Variants in AGPAT3 observed in about 807,000 individuals in gnomAD.
AGPAT3 encodes the protein 1-acylglycerol-3-phosphate O-acyltransferase 3.
Under a neutral mutation model 47.3 loss-of-function variants are expected in AGPAT3, and 5 were observed. The ratio of observed to expected loss-of-function variants is 0.11; its 90% CI spans 0.06 to 0.22. AGPAT3 has a LOEUF of 0.22. Among genes scored for constraint, AGPAT3 ranks in the 10% least tolerant of loss-of-function variants. The pLI is 1.00. For synonymous variants in AGPAT3, 212 were observed against 208.3 expected, an observed-to-expected ratio of 1.02 and a Z score of -0.15; for missense variants, 315 against 493.0, an observed-to-expected ratio of 0.64 and a Z score of 3.42.
chr21:43,976,000 A>T (rs1439168274), intron 7 of AGPAT3, among the ~76,000 whole-genome samples: 4 of 133,934 alleles, frequency 3.0e-5, no homozygotes, highest in East Asian at 2.1e-4. Context: ...TTTTTTTTTT[A>T]AGAGAAAACC....
intron 1 of AGPAT3, among the ~76,000 whole-genome samples, chr21:43,888,712 C>T (rs1244299320): frequency 8.5e-5 from 13 of 152,252 alleles, no homozygotes; most frequent in Admixed American, 5.2e-4. Context: ...GAACATGGGC[C>T]GGGCGAGGTG....
chr21:43,959,041 T>C (rs2088661172), intron 2 of AGPAT3, among the ~76,000 whole-genome samples: 1 of 91,958 alleles, frequency 1.1e-5, no homozygotes, highest in Admixed American at 1.2e-4. Context: ...GTGTGGCATG[T>C]GTGTGGTTTG....
intron 2 of AGPAT3, among the ~76,000 whole-genome samples, chr21:43,921,069 G>A (rs924333761): frequency 2.0e-5 from 3 of 152,080 alleles, no homozygotes; most frequent in African/African-American, 4.8e-5. Flanking sequence ...GCCGAGATCG[G>A]GCCACTGCAT....
chr21:43,968,192 G>T, intron 4 of AGPAT3, 77 bp downstream of exon 4: 1 of 1,518,218 alleles, frequency 6.6e-7, no homozygotes. Flanking sequence ...GGGACCCAGG[G>T]AGGGCCGGGG....
intron 2 of AGPAT3, among the ~76,000 whole-genome samples, chr21:43,905,781 C>T (rs916706640): frequency 6.6e-6 from 1 of 152,250 alleles, no homozygotes; most frequent in African/African-American, 2.4e-5. Context: ...CGCTCTTCTG[C>T]CTGTCCTTTG....
chr21:43,920,268 G>A lies in AGPAT3; in HGVS notation c.-49+16249G>A, dbSNP rs115904780. ...GTGTGTGTAAGGGTGTGTGTAAAGCGTGAATGTGTCAGTGTGAGAGTGTGT... is the reference window on the plus strand; with the variant it reads ...GTGTGTGTAAGGGTGTGTGTAAAGCATGAATGTGTCAGTGTGAGAGTGTGT... On this transcript the variant is annotated intron_variant, in intron 2 of 9. Transcript: ENST00000291572. The surrounding 1 kb of genome is among the most constrained non-coding windows in gnomAD (Gnocchi z 6.1). Among the ~76,000 whole-genome samples the A allele has an allele frequency of 9.7e-3, 1,469 of 152,088 alleles. 31 individuals are homozygous for A. Among genetic ancestry groups the A allele is most frequent in the African/African-American group, 0.033 (1,383 of 41,472 alleles).
Position 43,934,296 on chromosome 21 carries a change from C to A in AGPAT3, c.-48-25338C>A, listed in dbSNP as rs1464065906. On this transcript the variant is annotated intron_variant, in intron 2 of 9. Transcript: ENST00000291572. This position sits in a 1 kb window ranked among gnomAD's most constrained non-coding sequence, Gnocchi z 4.7. ...TCTCACCGCGGTGTGCCTGTCCCCA[C>A]CTCCCAAGGGCGGAAGGAGGGGCCT... Among the ~76,000 whole-genome samples the A allele has an allele frequency of 2.0e-5, 3 of 152,262 alleles. No homozygotes were observed. Among genetic ancestry groups the A allele is most frequent in the Non-Finnish European group, 4.4e-5 (3 of 68,046 alleles).
intron 3 of AGPAT3, among the ~76,000 whole-genome samples, chr21:43,962,003 CTT>C (rs752287053): frequency 1.6e-4 from 22 of 141,162 alleles, no homozygotes; most frequent in Admixed American, 1.4e-4. Flanking sequence ...TGTTTTTTCT[CTT>C]TTTTTTTTTT....
rs985380541 is a variant in AGPAT3 at position 43,970,940 on chromosome 21, G to A, written c.664+134G>A. On this transcript the variant is annotated intron_variant, in intron 6 of 9. Transcript: ENST00000291572. This position sits in a 1 kb window ranked among gnomAD's most constrained non-coding sequence, Gnocchi z 5.8. Reference sequence around the variant, plus strand: ...GAAGTGCAAAAGGAATCAAGTGAGGGGGTCGGCGCCGCAAGGTTCCCGCGT... The same window carrying A: ...GAAGTGCAAAAGGAATCAAGTGAGGAGGTCGGCGCCGCAAGGTTCCCGCGT... 9.3e-7 allele frequency: 1 copy of A among 1,075,410 alleles called. No individual in the cohort carries two copies. Among genetic ancestry groups the A allele is most frequent in the Non-Finnish European group, 1.2e-6 (1 of 806,014 alleles). 66.6% of individuals were successfully genotyped at this position (1,075,410 alleles called of 1,614,324 possible). A position where few individuals can be genotyped will look rare whatever the true frequency, so the allele number is the denominator to read the frequency against.
chr21:43,895,143 C>G (rs1296840095), intron 1 of AGPAT3, among the ~76,000 whole-genome samples: 1 of 150,514 alleles, frequency 6.6e-6, no homozygotes, highest in Non-Finnish European at 1.5e-5. Context: ...CTTGCTCTGT[C>G]CCCCAGTCTG....
At chr21:43,973,966 A>G (rs2089499594) in intron 7 of AGPAT3, among the ~76,000 whole-genome samples, 1 of 152,190 alleles carries the variant, frequency 6.6e-6, no homozygotes, top group Admixed American at 6.5e-5. Flanking sequence ...ATTTTTATTT[A>G]TATTTACTTT....
chr21:43,911,227 T>G (rs756403594), intron 2 of AGPAT3, among the ~76,000 whole-genome samples: 1 of 152,268 alleles, frequency 6.6e-6, no homozygotes, highest in African/African-American at 2.4e-5. Context: ...CTTTTATGCA[T>G]GTTCTAAAGA....
chr21:43,957,074 G>T (rs1487369078), intron 2 of AGPAT3, among the ~76,000 whole-genome samples: 2 of 152,208 alleles, frequency 1.3e-5, no homozygotes, highest in Admixed American at 6.5e-5. Context: ...CCCAGTGTCT[G>T]GGAGAGGTGA....
At chr21:43,891,538 A>ACTCCC (rs2086102425) in intron 1 of AGPAT3, among the ~76,000 whole-genome samples, 1 of 151,906 alleles carries the variant, frequency 6.6e-6, no homozygotes, top group African/African-American at 2.4e-5. Flanking sequence ...GAGGCTGAGG[A>ACTCCC]AGGAGAATGG....
chr21:43,918,105 G>T (rs1379088499), intron 2 of AGPAT3, among the ~76,000 whole-genome samples: 4 of 146,368 alleles, frequency 2.7e-5, no homozygotes, highest in Non-Finnish European at 6.0e-5. Flanking sequence ...TGTGTTGTGG[G>T]TGTTGTGTTA....
Position 43,969,192 on chromosome 21 carries a change from T to C in AGPAT3, c.423T>C (p.Ile141=), listed in dbSNP as rs971372160. The C allele has an allele frequency of 3.7e-6, 6 of 1,614,030 alleles. No homozygotes were observed. Among genetic ancestry groups the C allele is most frequent in the Non-Finnish European group, 5.1e-6 (6 of 1,180,028 alleles). Residue 141 remains isoleucine, a synonymous_variant, in exon 5 of 10, where the codon ATT becomes ATC. Coordinates refer to ENST00000291572, the MANE Select transcript of AGPAT3 (RefSeq NM_020132.5). ...LIGWTWYFLE[I]VFCKRKWEED... is the part of the protein sequence containing the mutation. ...GCTGGACGTGGTACTTTCTGGAGAT[T>C]GTGTTCTGCAAGCGGAAGTGGGAGG...
Position 43,986,441 on chromosome 21 carries a change from G to T in AGPAT3, c.*4049G>T, listed in dbSNP as rs929514202. On this transcript the variant is annotated 3_prime_UTR_variant, in exon 10 of 10. Transcript: ENST00000291572. ...GTTCGTCTCCATTTCTTAACTTTTTGTTGCACAAGTATTTGGACAGAAGTC... is the reference window on the plus strand; with the variant it reads ...GTTCGTCTCCATTTCTTAACTTTTTTTTGCACAAGTATTTGGACAGAAGTC... 1.3e-5 allele frequency: 2 copies of T among 152,596 alleles called. No homozygotes were observed. The highest frequency in any genetic ancestry group is 4.8e-5 in the African/African-American group (2 of 41,432). The allele number at this position is 152,596 out of a possible 1,614,324, so 9.5% of individuals were successfully genotyped here.
In AGPAT3 at chr21:43,939,989, G is replaced by A. The variant is rs548495342; in HGVS notation, c.-48-19645G>A. On this transcript the variant is annotated intron_variant, in intron 2 of 9. Transcript: ENST00000291572. This position sits in a 1 kb window ranked among gnomAD's most constrained non-coding sequence, Gnocchi z 4.4. Reference sequence around the variant, plus strand: ...CTGTGTGTATGTCCTGCTTCAGCGCGCTCCTGGGGTCCCTTGAGTTGGTCT... The same window carrying A: ...CTGTGTGTATGTCCTGCTTCAGCGCACTCCTGGGGTCCCTTGAGTTGGTCT... Among the ~76,000 whole-genome samples, 29 of 152,360 alleles carry A rather than the reference G, an allele frequency of 1.9e-4. No homozygotes were observed. In the South Asian group the frequency reaches 4.6e-3, roughly 24 times the overall value.
Position 43,952,209 on chromosome 21 carries a change from C to T in AGPAT3, c.-48-7425C>T, listed in dbSNP as rs530302136. ...TGTCGTCCTGTGGTCCTGGAGGCTG[C>T]AGGTCCAAGGTCAAGGATTCCTTCT... On this transcript the variant is annotated intron_variant, in intron 2 of 9. Transcript: ENST00000291572. The surrounding 1 kb of genome is among the most constrained non-coding windows in gnomAD (Gnocchi z 5.6). Among the ~76,000 whole-genome samples, 17 of 152,098 alleles carry T rather than the reference C, an allele frequency of 1.1e-4. No homozygotes were observed. Among genetic ancestry groups the T allele is most frequent in the Non-Finnish European group, 1.9e-4 (13 of 68,002 alleles).
Sources: gnomAD v4.1 joint callset for allele counts (sites outside exome capture counted in the v4.1 genomes callset) on GRCh38, gnomAD v4.1.1 for gene constraint, Gnocchi (gnomAD v3.1) non-coding constraint, MANE v1.5 for transcripts, NCBI Gene and HGNC (gene_info 2026-07-23, HGNC 2026-07-21) for gene names.